The following MICU3 variants were observed in gnomAD, a reference collection of about 807,000 sequenced individuals.
The protein encoded by MICU3 is mitochondrial calcium uptake 3.
Under a neutral mutation model 66.5 loss-of-function variants are expected in MICU3, and 62 were observed. The observed-to-expected ratio is 0.93, with a 90% CI of 0.76 to 1.15. The LOEUF (loss-of-function observed/expected upper bound fraction) is 1.15. Among genes scored for constraint, MICU3 ranks in the 50% most tolerant of loss-of-function variants. The pLI is 0.00. For synonymous variants in MICU3, 308 were observed against 240.7 expected (o/e 1.28, Z -2.59); for missense variants, 779 against 664.4 (o/e 1.17, Z -1.90).
intron 5 of MICU3, chr8:17,082,046 A>G (rs981886950): frequency 1.8e-5 from 4 of 217,774 alleles, no homozygotes; most frequent in Non-Finnish European, 3.6e-5. Flanking sequence ...TAAATTCCCT[A>G]CTGTACTCAT....
rs35133600 is a variant in MICU3 at position 17,039,895 on chromosome 8, C to CTTTTTTTTTTTTTTTT, written c.381+12249_381+12264dup. ...ATGAAGGTATCCATCATCTTGCATTCTTTTTTTTTTTTTTTTTTTTTTTTT... is the reference window on the plus strand; with the variant it reads ...ATGAAGGTATCCATCATCTTGCATTCTTTTTTTTTTTTTTTTTTTTTTTTTTTTTTTTTTTTTTTTT... On this transcript the variant is annotated intron_variant, in intron 1 of 14. Transcript: ENST00000318063. Among the ~76,000 whole-genome samples the CTTTTTTTTTTTTTTTT allele has an allele frequency of 2.4e-4, 15 of 62,546 alleles. 2 individuals are homozygous for CTTTTTTTTTTTTTTTT. The highest frequency in any genetic ancestry group is 5.8e-4 in the Admixed American group (2 of 3,464). The allele number at this position is 62,546 out of a possible 152,430, so 41.0% of individuals were successfully genotyped here.
the MICU3 span, among the ~76,000 whole-genome samples, chr8:17,134,921 G>C: frequency 6.6e-6 from 1 of 152,160 alleles, no homozygotes; most frequent in Non-Finnish European, 1.5e-5. Context: ...GGCCCAGTCA[G>C]GTTGACACAT....
chr8:17,122,723 A>G (rs985977122), downstream of MICU3: 3 of 152,040 alleles, frequency 2.0e-5, no homozygotes, highest in Admixed American at 6.6e-5. Flanking sequence ...GGAAATCTTT[A>G]TGGGTTACTA....
intron 1 of MICU3, among the ~76,000 whole-genome samples, chr8:17,038,968 T>A (rs1270794918): frequency 1.1e-3 from 152 of 138,886 alleles, no homozygotes; most frequent in South Asian, 2.3e-3. Context: ...AAAAAAAAAA[T>A]AAATAAATAA....
rs1294621854 is a variant in MICU3, at chr8:17,031,966, G to GGT, written c.381+4306_381+4307insGT. The stretch of plus-strand genomic sequence containing the variant: ...TTTACTTGTCTTAGCCCCTTAAGGA[G>GGT]AGGCACTGTGTTCGTCTTTGTCACA... On this transcript the variant is annotated intron_variant, in intron 1 of 14. Coordinates refer to ENST00000318063, the MANE Select transcript of MICU3 (RefSeq NM_181723.3). Among the ~76,000 whole-genome samples, 6 of 152,316 alleles carry GGT rather than the reference G, an allele frequency of 3.9e-5. No homozygotes were observed. The South Asian group carries it at 1.2e-3, about 32-fold the overall frequency.
chr8:17,065,870 T>C (rs1332181202), intron 2 of MICU3, among the ~76,000 whole-genome samples: 1 of 152,162 alleles, frequency 6.6e-6, no homozygotes, highest in Non-Finnish European at 1.5e-5. Flanking sequence ...TAATGGAATT[T>C]GAAGTAGACA....
chr8:17,127,898 T>A, the MICU3 span, among the ~76,000 whole-genome samples: 1,971 of 152,130 alleles, frequency 0.013, 47 homozygotes, highest in African/African-American at 0.044. Flanking sequence ...AATAATTTTT[T>A]AAAAAATCTA....
At chr8:17,133,830 T>C in the MICU3 span, among the ~76,000 whole-genome samples, 8 of 152,186 alleles carry the variant, frequency 5.3e-5, no homozygotes, top group Admixed American at 5.2e-4. Flanking sequence ...CCTAAATCTA[T>C]TTCAGCATAC....
chr8:17,078,399 A>G (rs1261283467), intron 4 of MICU3, among the ~76,000 whole-genome samples: 1 of 152,080 alleles, frequency 6.6e-6, no homozygotes, highest in East Asian at 1.9e-4. Context: ...CAATATCAAT[A>G]TTAGCTTAAT....
intron 1 of MICU3, among the ~76,000 whole-genome samples, chr8:17,060,618 T>TA (rs1459185645): frequency 6.6e-6 from 1 of 152,120 alleles, no homozygotes; most frequent in Non-Finnish European, 1.5e-5. Flanking sequence ...GGCCATTACT[T>TA]ACATTTAACC....
At chr8:17,060,713 A>G (rs1817695119) in intron 1 of MICU3, among the ~76,000 whole-genome samples, 1 of 152,142 alleles carries the variant, frequency 6.6e-6, no homozygotes, top group African/African-American at 2.4e-5. Context: ...ACAATGGAGG[A>G]AGCAACCAGT....
chr8:17,096,200 C>T (rs567074787), intron 8 of MICU3, among the ~76,000 whole-genome samples: 1 of 152,028 alleles, frequency 6.6e-6, no homozygotes, highest in East Asian at 1.9e-4. Context: ...TGTTTCACAG[C>T]CATCAAAGTG....
At chr8:17,105,369 C>G in intron 10 of MICU3, 44 bp from the exon 11 acceptor site, 3 of 1,221,010 alleles carry the variant, frequency 2.5e-6, no homozygotes, top group Non-Finnish European at 3.5e-6. Context: ...GTTACGATTA[C>G]TCTTTCTTTA....
rs543481095 is a variant in MICU3, at chr8:17,060,327, C to T, written c.382-3757C>T. Among the ~76,000 whole-genome samples the T allele has an allele frequency of 2.4e-3, 369 of 151,246 alleles. 2 individuals carry two copies. The highest frequency in any genetic ancestry group is 3.9e-3 in the Non-Finnish European group (267 of 67,888). On this transcript the variant is annotated intron_variant, in intron 1 of 14. Coordinates refer to ENST00000318063, the MANE Select transcript of MICU3 (RefSeq NM_181723.3). The stretch of plus-strand genomic sequence containing the variant: ...TTTTTTTTTCTTTGAGACAGAGTCT[C>T]GTGCTGTCGATTAGGCTGGAGTGCA...
chr8:17,080,920 A>G (rs890659868), intron 4 of MICU3, among the ~76,000 whole-genome samples: 2 of 152,174 alleles, frequency 1.3e-5, no homozygotes, highest in African/African-American at 4.8e-5. Context: ...AGTATTGTAG[A>G]TACAGATTAC....
intron 1 of MICU3, among the ~76,000 whole-genome samples, chr8:17,055,788 A>G (rs1465022370): frequency 1.3e-5 from 2 of 152,238 alleles, no homozygotes; most frequent in African/African-American, 4.8e-5. Flanking sequence ...TGAGAAAGAA[A>G]GACACACACT....
Position 17,121,601 on chromosome 8 carries a change from A to G in MICU3, c.*1314A>G, listed in dbSNP as rs1280098065. 6.6e-6 allele frequency: 1 copy of G among 152,236 alleles called. No individual in the cohort carries two copies. The highest frequency in any genetic ancestry group is 1.5e-5 in the Non-Finnish European group (1 of 67,744). 9.4% of individuals were successfully genotyped at this position (152,236 alleles called of 1,614,324 possible). A position where few individuals can be genotyped will look rare whatever the true frequency, so the allele number is the denominator to read the frequency against. ...TTTAATGTAGGTTACATACACTCCA[A>G]CTATTACTTTGCTTTTGCATATGAA... On this transcript the variant is annotated 3_prime_UTR_variant, in exon 15 of 15. Transcript: ENST00000318063.
intron 1 of MICU3, among the ~76,000 whole-genome samples, chr8:17,046,385 G>A (rs1030699424): frequency 6.6e-6 from 1 of 152,138 alleles, no homozygotes. Flanking sequence ...TGTTGTGTTG[G>A]TCTGAGAGCA....
chr8:17,046,453 A>G (rs779607140), intron 1 of MICU3, among the ~76,000 whole-genome samples: 24 of 152,206 alleles, frequency 1.6e-4, no homozygotes, highest in Non-Finnish European at 7.4e-5. Context: ...AAGTTTTATC[A>G]TTTTGGTTTT....
Sources: allele counts gnomAD v4.1 joint callset (sites outside exome capture counted in the v4.1 genomes callset), GRCh38; gene constraint gnomAD v4.1.1; transcripts MANE v1.5; gene names NCBI Gene and HGNC (gene_info 2026-07-23, HGNC 2026-07-21).